The following EPS8 variants were observed in gnomAD, a reference collection of about 807,000 sequenced individuals.
EPS8 encodes epidermal growth factor receptor kinase substrate 8.
Under a neutral mutation model 103.8 loss-of-function variants are expected in EPS8, and 42 were observed. The observed-to-expected ratio is 0.40, with a 90% confidence interval of 0.32 to 0.52. The LOEUF is 0.52. Ranked by LOEUF, EPS8 falls within the 20% of genes least tolerant of loss-of-function variation. The pLI is 0.40. For synonymous variants in EPS8, 344 were observed against 344.6 expected, an observed-to-expected ratio of 1.00 and a Z score of 0.02; for missense variants, 969 against 1,005.1, an observed-to-expected ratio of 0.96 and a Z score of 0.49.
chr12:15,649,837 C>A (rs1945381426), intron 14 of EPS8, among the ~76,000 whole-genome samples: 1 of 152,150 alleles, frequency 6.6e-6, no homozygotes, highest in Admixed American at 6.5e-5. Context: ...TTCATTCCCT[C>A]ATAACATATT....
At chr12:15,673,625 A>G (rs1019210179) in intron 3 of EPS8, among the ~76,000 whole-genome samples, 1 of 152,172 alleles carries the variant, frequency 6.6e-6, no homozygotes, top group Non-Finnish European at 1.5e-5. Flanking sequence ...GCATGTTGGA[A>G]TGAACTTTAT....
chr12:15,765,474 A>T (rs1591928568), intron 1 of EPS8, among the ~76,000 whole-genome samples: 1 of 152,266 alleles, frequency 6.6e-6, no homozygotes, highest in South Asian at 2.1e-4. Context: ...AAATAAATAC[A>T]GGAAAAAAAC....
At chr12:15,709,764 A>G (rs776655509) in intron 1 of EPS8, among the ~76,000 whole-genome samples, 2 of 152,240 alleles carry the variant, frequency 1.3e-5, no homozygotes, top group Non-Finnish European at 2.9e-5. Context: ...TGCTTAACGC[A>G]GTGGTCCCCA....
chr12:15,677,951 C>T (rs771618406), intron 3 of EPS8, among the ~76,000 whole-genome samples: 3 of 152,120 alleles, frequency 2.0e-5, no homozygotes, highest in South Asian at 2.1e-4. Context: ...TTAGCTTATG[C>T]GCTGTGAAAC....
intron 18 of EPS8, among the ~76,000 whole-genome samples, chr12:15,628,118 T>A (rs913832181): frequency 5.4e-5 from 8 of 148,534 alleles, no homozygotes; most frequent in Non-Finnish European, 1.2e-4. Context: ...GAGTAGGGGG[T>A]GCTAGAGAGA....
chr12:15,639,863 T>C (rs1457644276), intron 17 of EPS8, among the ~76,000 whole-genome samples: 4 of 152,322 alleles, frequency 2.6e-5, no homozygotes, highest in Non-Finnish European at 5.9e-5. Context: ...TCAGATGTGA[T>C]CTTTTTCTCG....
rs138202535 is a variant in EPS8, at chr12:15,714,622, G to A, written c.-21-31650C>T. On this transcript the variant is annotated intron_variant, in intron 1 of 20. Transcript: ENST00000281172. This position sits in a 1 kb window ranked among gnomAD's most constrained non-coding sequence, Gnocchi z 4.1. ...CACGCCACTGTATTCCAGCCTGTGT[G>A]ACTGAGCAGGACCCATCTCTTTAAC... Among the ~76,000 whole-genome samples the A allele has an allele frequency of 3.8e-4, 58 of 152,306 alleles. No individual in the cohort carries two copies. The highest frequency in any genetic ancestry group is 1.3e-3 in the African/African-American group (53 of 41,572).
rs1260351277 is a variant in EPS8 at position 15,733,538 on chromosome 12, A to G, written c.-21-50566T>C. Among the ~76,000 whole-genome samples, 1 of 152,210 alleles carries G rather than the reference A, an allele frequency of 6.6e-6. No individual in the cohort carries two copies. The highest frequency in any genetic ancestry group is 1.5e-5 in the Non-Finnish European group (1 of 68,044). On this transcript the variant is annotated intron_variant, in intron 1 of 20. Transcript: ENST00000281172. This position sits in a 1 kb window ranked among gnomAD's most constrained non-coding sequence, Gnocchi z 4.8. ...CTTGGCACCTTTAAAAAGCCTAGAT[A>G]TACCTTTTGTGAGATGAAGAAAGAA...
At chr12:15,634,028 T>C (rs1043359064) in intron 17 of EPS8, among the ~76,000 whole-genome samples, 3 of 152,244 alleles carry the variant, frequency 2.0e-5, no homozygotes, top group African/African-American at 7.2e-5. Context: ...TTCCAACGTA[T>C]CTCAGTTTAC....
In EPS8 at chr12:15,715,394, C is replaced by CTTTTTTTTTTTTTTTTTTTTT. The variant is rs3086457; in HGVS notation, c.-21-32423_-21-32422insAAAAAAAAAAAAAAAAAAAAA. On this transcript the variant is annotated intron_variant, in intron 1 of 20. Coordinates refer to ENST00000281172, the MANE Select transcript of EPS8 (RefSeq NM_004447.6). ...TTTCTTTTTTTTTTTCTTTACTTTTCTTTTTTTTTTTTTTTTGAGATGGAG... is the reference window on the plus strand; with the variant it reads ...TTTCTTTTTTTTTTTCTTTACTTTTCTTTTTTTTTTTTTTTTTTTTTTTTTTTTTTTTTTTTTGAGATGGAG... 1.6e-5 allele frequency among the ~76,000 whole-genome samples: 2 copies of CTTTTTTTTTTTTTTTTTTTTT among 127,186 alleles called. 1 individual carries two copies. The allele number at this position is 127,186 out of a possible 152,430, so 83.4% of individuals were successfully genotyped here. A position where few individuals can be genotyped will look rare whatever the true frequency, so the allele number is the denominator to read the frequency against.
rs1294948652 is a variant in EPS8, at chr12:15,771,330, G to A, written c.-22+17831C>T. On this transcript the variant is annotated intron_variant, in intron 1 of 20. Transcript: ENST00000281172. This position sits in a 1 kb window ranked among gnomAD's most constrained non-coding sequence, Gnocchi z 4.6. The stretch of plus-strand genomic sequence containing the variant: ...GGTAGTGAGGCTAAAATTAAAGAAA[G>A]TCACCAGGTTGTGAAAAGCCTGAAA... 6.6e-6 allele frequency among the ~76,000 whole-genome samples: 1 copy of A among 152,164 alleles called. No individual in the cohort carries two copies. The highest frequency in any genetic ancestry group is 1.5e-5 in the Non-Finnish European group (1 of 68,036).
At chr12:15,740,564 AAAATAAATAAATAAAT>A (rs60477147) in intron 1 of EPS8, among the ~76,000 whole-genome samples, 6 of 149,404 alleles carry the variant, frequency 4.0e-5, no homozygotes, top group Non-Finnish European at 5.9e-5. Flanking sequence ...AAAAATAATA[AAAATAAATAAATAAAT>A]AAATAAATAA....
rs1216878235 is a variant in EPS8, at chr12:15,776,925, A to G, written c.-22+12236T>C. 6.6e-6 allele frequency among the ~76,000 whole-genome samples: 1 copy of G among 152,176 alleles called. No homozygotes were observed. The highest frequency in any genetic ancestry group is 1.9e-4 in the East Asian group (1 of 5,196). ...TTTGATTTTATCAATGCCTTTGAAA[A>G]CCATAAACATAACACAAAATGTATT... is the stretch of plus-strand genomic sequence containing the variant. On this transcript the variant is annotated intron_variant, in intron 1 of 20. Transcript: ENST00000281172. The surrounding 1 kb of genome is among the most constrained non-coding windows in gnomAD (Gnocchi z 4.2).
rs945151315 is a variant in EPS8, at chr12:15,713,144, C to T, written c.-21-30172G>A. On this transcript the variant is annotated intron_variant, in intron 1 of 20. Coordinates refer to ENST00000281172, the MANE Select transcript of EPS8 (RefSeq NM_004447.6). This position sits in a 1 kb window ranked among gnomAD's most constrained non-coding sequence, Gnocchi z 4.8. Reference sequence around the variant, plus strand: ...TAAGTTTTAAATGGTGAAAATAATACTGGCTAGCATTGACTGAAAGCTTAC... The same window carrying T: ...TAAGTTTTAAATGGTGAAAATAATATTGGCTAGCATTGACTGAAAGCTTAC... The T allele has an allele frequency of 2.1e-5, 5 of 242,272 alleles. No individual in the cohort carries two copies. The highest frequency in any genetic ancestry group is 2.7e-5 in the Non-Finnish European group (4 of 150,938). The allele number at this position is 242,272 out of a possible 1,614,324, so 15.0% of individuals were successfully genotyped here.
chr12:15,758,215 G>A (rs931611703), intron 1 of EPS8, among the ~76,000 whole-genome samples: 2 of 152,176 alleles, frequency 1.3e-5, no homozygotes, highest in Non-Finnish European at 2.9e-5. Flanking sequence ...TCAGCTGCAG[G>A]AATGTCAGTC....
intron 7 of EPS8, 125 bp from the exon 8 acceptor site, chr12:15,666,017 C>A: frequency 1.0e-6 from 1 of 984,276 alleles, no homozygotes; most frequent in East Asian, 2.6e-5. Flanking sequence ...ATAAGGATTT[C>A]CTAAGCATTA....
At chr12:15,755,477 T>G (rs1374734736) in intron 1 of EPS8, among the ~76,000 whole-genome samples, 1 of 152,182 alleles carries the variant, frequency 6.6e-6, no homozygotes, top group Non-Finnish European at 1.5e-5. Flanking sequence ...AGCCTGTTTC[T>G]TTCATATGTA....
At chr12:15,628,477 A>T (rs559260404) in intron 18 of EPS8, among the ~76,000 whole-genome samples, 1 of 152,344 alleles carries the variant, frequency 6.6e-6, no homozygotes, top group East Asian at 1.9e-4. Flanking sequence ...ATTACAAAAG[A>T]TTAAATTCGA....
chr12:15,651,014 A>C lies in EPS8; in HGVS notation c.1251-8T>G. 1 of 1,608,482 alleles carries C rather than the reference A, an allele frequency of 6.2e-7. No individual in the cohort carries two copies. The highest frequency in any genetic ancestry group is 8.5e-7 in the Non-Finnish European group (1 of 1,177,146). On this transcript the variant is annotated splice_polypyrimidine_tract_variant and splice_region_variant and intron_variant, in intron 13 of 20. Coordinates refer to ENST00000281172, the MANE Select transcript of EPS8 (RefSeq NM_004447.6). The stretch of plus-strand genomic sequence containing the variant: ...TCTTTTGGCCACTCTGCTCTGCAGG[A>C]GGGAATGAAGGCATATAAACAATAA...
Sources: allele counts gnomAD v4.1 joint callset (sites outside exome capture counted in the v4.1 genomes callset), GRCh38; gene constraint gnomAD v4.1.1; non-coding constraint Gnocchi (gnomAD v3.1); transcripts MANE v1.5; gene names NCBI Gene and HGNC (gene_info 2026-07-23, HGNC 2026-07-21).